Variants in JAM2 observed in about 807,000 individuals in gnomAD.
The protein encoded by JAM2 is junctional adhesion molecule 2.
In JAM2, 17 loss-of-function variants were observed where a neutral mutation model predicts 42.0. That is an observed-to-expected ratio of 0.40 (90% CI 0.28 to 0.61). The LOEUF is 0.61. JAM2 is among the 20% of genes least tolerant of loss of function. JAM2 has a pLI of 0.37. For synonymous variants in JAM2, 118 were observed against 128.6 expected, an observed-to-expected ratio of 0.92 and a Z score of 0.56; for missense variants, 319 against 358.3, an observed-to-expected ratio of 0.89 and a Z score of 0.89.
chr21:25,706,175 TTTTGTTTG>T (rs3838068), intron 7 of JAM2, 89 bp downstream of exon 7: 5 of 860,794 alleles, frequency 5.8e-6, no homozygotes, highest in Middle Eastern at 2.2e-4. Flanking sequence ...GAAGTTGTTT[TTTTGTTTG>T]TTTGTTTGTT....
rs192670065 is a variant in JAM2 at position 25,690,015 on chromosome 21, C to T, written c.241+42C>T. The T allele has an allele frequency of 6.7e-4, 768 of 1,151,462 alleles. 2 individuals are homozygous for T. The African/African-American group carries it at 0.011, about 16-fold the overall frequency. 71.3% of individuals were successfully genotyped at this position (1,151,462 alleles called of 1,614,324 possible). Reference sequence around the variant, plus strand: ...TTGAAGAGGTGTGAGCAAGAGAATGCCAAGTACAACCAGGATCCTTTAATT... The same window carrying T: ...TTGAAGAGGTGTGAGCAAGAGAATGTCAAGTACAACCAGGATCCTTTAATT... On this transcript the variant is annotated intron_variant, in intron 3 of 9. Coordinates refer to ENST00000480456, the MANE Select transcript of JAM2 (RefSeq NM_021219.4).
chr21:25,706,477 C>T (rs545598232), intron 7 of JAM2, among the ~76,000 whole-genome samples: 3 of 152,230 alleles, frequency 2.0e-5, no homozygotes, highest in Admixed American at 6.5e-5. Context: ...CTATTGTGCC[C>T]GGCCCTCTCC....
At chr21:25,694,183 A>C (rs1474255191) in intron 4 of JAM2, among the ~76,000 whole-genome samples, 2 of 152,222 alleles carry the variant, frequency 1.3e-5, no homozygotes, top group Non-Finnish European at 2.9e-5. Context: ...TATACATAGG[A>C]GTATCTTTCC....
rs1235194225 is a variant in JAM2, at chr21:25,661,559, TA to T, written c.67+21672del. ...TTATGAATTAAAATATGTATTTTTT[TA>T]TTTCTCTTTAACATTAAAGGGACAT... is the stretch of plus-strand genomic sequence containing the variant. On this transcript the variant is annotated intron_variant, in intron 1 of 9. Transcript: ENST00000480456. Among the ~76,000 whole-genome samples the T allele has an allele frequency of 2.6e-5, 4 of 151,802 alleles. No homozygotes were observed. In the South Asian group the frequency reaches 6.2e-4, roughly 24 times the overall value.
chr21:25,642,765 A>G (rs182659918), intron 1 of JAM2, among the ~76,000 whole-genome samples: 63 of 152,342 alleles, frequency 4.1e-4, no homozygotes, highest in African/African-American at 1.5e-3. Context: ...GTTCCTGGTT[A>G]ATAGTAGGTA....
chr21:25,655,483 CTTTTT>C (rs35503919), intron 1 of JAM2, among the ~76,000 whole-genome samples: 1 of 130,080 alleles, frequency 7.7e-6, no homozygotes, highest in Admixed American at 7.9e-5. Context: ...AACATCAGCT[CTTTTT>C]TTTTTTTTTT....
chr21:25,706,940 G>A lies in JAM2; in HGVS notation c.805+854G>A, dbSNP rs556121045. Among the ~76,000 whole-genome samples the A allele has an allele frequency of 5.3e-5, 8 of 151,870 alleles. No homozygotes were observed. In the East Asian group the frequency reaches 5.8e-4, roughly 11 times the overall value. ...TTTTTAGTAGAGACGGGGTTTCATC[G>A]TGTTAGCCGGGATGGTCTCAATCTC... is the stretch of plus-strand genomic sequence containing the variant. On this transcript the variant is annotated intron_variant, in intron 7 of 9. Transcript: ENST00000480456.
chr21:25,653,298 A>G (rs1040843487), intron 1 of JAM2, among the ~76,000 whole-genome samples: 2 of 152,144 alleles, frequency 1.3e-5, no homozygotes, highest in Non-Finnish European at 2.9e-5. Context: ...ATCCCTAAAT[A>G]CCATTCCACA....
intron 1 of JAM2, among the ~76,000 whole-genome samples, chr21:25,674,437 C>T (rs2033435983): frequency 6.6e-6 from 1 of 151,918 alleles, no homozygotes; most frequent in African/African-American, 2.4e-5. Context: ...AATAAATTGC[C>T]CAGTCTCAGC....
intron 1 of JAM2, among the ~76,000 whole-genome samples, chr21:25,649,129 A>G (rs993153121): frequency 6.6e-6 from 1 of 152,230 alleles, no homozygotes; most frequent in Non-Finnish European, 1.5e-5. Flanking sequence ...TTCCTCTTGA[A>G]TTAGTAAGCA....
At chr21:25,701,670 A>G (rs907063820) in intron 5 of JAM2, among the ~76,000 whole-genome samples, 1 of 152,254 alleles carries the variant, frequency 6.6e-6, no homozygotes, top group Non-Finnish European at 1.5e-5. Context: ...ACCGATACCA[A>G]TTAAGATTTT....
At chr21:25,710,420 G>C (rs1229105402) in intron 8 of JAM2, among the ~76,000 whole-genome samples, 1 of 152,134 alleles carries the variant, frequency 6.6e-6, no homozygotes, top group Non-Finnish European at 1.5e-5. Flanking sequence ...GGCCATTATG[G>C]AGAAAAATAA....
chr21:25,686,607 A>T (rs569318814), intron 2 of JAM2, among the ~76,000 whole-genome samples: 1 of 152,374 alleles, frequency 6.6e-6, no homozygotes, highest in South Asian at 2.1e-4. Context: ...CAGCTCTGCC[A>T]GGCTTGTAAA....
rs1358194933 is a variant in JAM2 at position 25,659,159 on chromosome 21, AT to A, written c.67+19273del. On this transcript the variant is annotated intron_variant, in intron 1 of 9. Transcript: ENST00000480456. The stretch of plus-strand genomic sequence containing the variant: ...ATATCCAAAAATGAACACATTCCAT[AT>A]TGGAAGGGGTTTATTATCCAATTTA... 2.0e-5 allele frequency among the ~76,000 whole-genome samples: 3 copies of A among 152,308 alleles called. No individual in the cohort carries two copies. In the East Asian group the frequency reaches 5.8e-4, roughly 29 times the overall value.
chr21:25,680,436 A>G (rs947208388), intron 1 of JAM2, among the ~76,000 whole-genome samples: 1 of 152,244 alleles, frequency 6.6e-6, no homozygotes, highest in Non-Finnish European at 1.5e-5. Flanking sequence ...TGATGAATGA[A>G]GGGATGAGAG....
Position 25,687,080 on chromosome 21 carries a change from A to G in JAM2, c.134-2786A>G, listed in dbSNP as rs140887519. On this transcript the variant is annotated intron_variant, in intron 2 of 9. Coordinates refer to ENST00000480456, the MANE Select transcript of JAM2 (RefSeq NM_021219.4). ...CTATCTCCTACAGAGATAACATTTT[A>G]TTTCAAATTGGAGTGATTTATAGGT... Among the ~76,000 whole-genome samples, 338 of 152,322 alleles carry G rather than the reference A, an allele frequency of 2.2e-3. 1 individual carries two copies. The highest frequency in any genetic ancestry group is 7.8e-3 in the African/African-American group (323 of 41,568).
chr21:25,667,864 G>A (rs900618198), intron 1 of JAM2, among the ~76,000 whole-genome samples: 2 of 152,074 alleles, frequency 1.3e-5, no homozygotes, highest in Admixed American at 6.5e-5. Context: ...AGATAATAAT[G>A]CTATTTTCAA....
intron 1 of JAM2, among the ~76,000 whole-genome samples, chr21:25,669,218 GA>G (rs2033296052): frequency 6.6e-6 from 1 of 151,716 alleles, no homozygotes; most frequent in Non-Finnish European, 1.5e-5. Flanking sequence ...ACAAAAAATA[GA>G]AAAATTAGCC....
chr21:25,679,629 A>G (rs1445591696), intron 1 of JAM2, among the ~76,000 whole-genome samples: 1 of 152,212 alleles, frequency 6.6e-6, no homozygotes, highest in Non-Finnish European at 1.5e-5. Flanking sequence ...TGTCAAGATG[A>G]AGAAACCCTC....
Sources: gnomAD v4.1 joint callset for allele counts (sites outside exome capture counted in the v4.1 genomes callset) on GRCh38, gnomAD v4.1.1 for gene constraint, MANE v1.5 for transcripts, NCBI Gene and HGNC (gene_info 2026-07-23, HGNC 2026-07-21) for gene names.